SPAG16: variants seen among roughly 807,000 people sequenced by gnomAD.
The protein encoded by SPAG16 is sperm-associated antigen 16 protein.
SPAG16 carries 86 observed loss-of-function variants against 80.4 expected under a neutral mutation model. The ratio of observed to expected loss-of-function variants is 1.07; its 90% CI spans 0.90 to 1.28. The LOEUF (loss-of-function observed/expected upper bound fraction) is 1.28. Ranked by LOEUF, SPAG16 falls within the 50% of genes most tolerant of loss-of-function variation. The pLI, the probability that SPAG16 is intolerant of heterozygous loss-of-function variation, is 0.00. For missense variants in SPAG16, 870 were observed against 765.3 expected (o/e 1.14, Z -1.61); for synonymous variants, 294 against 265.9 (o/e 1.11, Z -1.03).
intron 11 of SPAG16, among the ~76,000 whole-genome samples, chr2:213,911,837 A>AAG (rs1553663228): frequency 1.1e-5 from 1 of 88,814 alleles, no homozygotes; most frequent in African/African-American, 4.1e-5. Flanking sequence ...ACAGTTAGCA[A>AAG]AAAAAAAAAA....
intron 9 of SPAG16, among the ~76,000 whole-genome samples, chr2:213,470,556 A>G (rs1203001486): frequency 6.6e-6 from 1 of 152,176 alleles, no homozygotes; most frequent in Non-Finnish European, 1.5e-5. Context: ...GAATGGTGCC[A>G]TATTGTGGGC....
chr2:214,182,732 T>C (rs758805362), intron 15 of SPAG16, among the ~76,000 whole-genome samples: 56 of 151,974 alleles, frequency 3.7e-4, no homozygotes, highest in Non-Finnish European at 7.4e-4. Context: ...TCTGTGGTTT[T>C]TATACTTGCT....
chr2:213,770,024 C>T (rs951195944), intron 10 of SPAG16, among the ~76,000 whole-genome samples: 2 of 152,146 alleles, frequency 1.3e-5, no homozygotes, highest in African/African-American at 4.8e-5. Context: ...TCCCTGGCTT[C>T]TTTAACTCAG....
chr2:213,364,681 C>A (rs1016484723), intron 8 of SPAG16: 1 of 151,696 alleles, frequency 6.6e-6, no homozygotes, highest in Non-Finnish European at 1.5e-5. Flanking sequence ...GAGAAGAGAG[C>A]TGCAATGAGG....
At chr2:213,663,484 G>A (rs186758763) in intron 10 of SPAG16, among the ~76,000 whole-genome samples, 8 of 152,082 alleles carry the variant, frequency 5.3e-5, no homozygotes, top group Non-Finnish European at 7.4e-5. Context: ...AACCATCAAG[G>A]CAGTTCATTA....
At chr2:214,162,942 T>A (rs532642892) in intron 15 of SPAG16, among the ~76,000 whole-genome samples, 144 of 152,240 alleles carry the variant, frequency 9.5e-4, no homozygotes, top group African/African-American at 3.3e-3. Context: ...AAAAATGCAT[T>A]TCTGTGCAGC....
At chr2:213,596,149 A>C (rs1340713245) in intron 10 of SPAG16, among the ~76,000 whole-genome samples, 2 of 152,132 alleles carry the variant, frequency 1.3e-5, no homozygotes, top group African/African-American at 4.8e-5. Context: ...ATTTTAATTT[A>C]ATAAGCAATA....
chr2:213,782,296 C>T (rs1314646472), intron 10 of SPAG16, among the ~76,000 whole-genome samples: 3 of 151,676 alleles, frequency 2.0e-5, no homozygotes, highest in East Asian at 3.9e-4. Context: ...TTAATAAAAA[C>T]ATTGATACTA....
At chr2:213,343,150 C>T (rs982114357) in intron 6 of SPAG16, among the ~76,000 whole-genome samples, 4 of 152,076 alleles carry the variant, frequency 2.6e-5, no homozygotes, top group Non-Finnish European at 5.9e-5. Context: ...ACCTGGGAAA[C>T]TCTGAGCAAA....
intron 3 of SPAG16, among the ~76,000 whole-genome samples, chr2:213,299,795 T>C (rs1330644851): frequency 6.6e-6 from 1 of 152,126 alleles, no homozygotes; most frequent in Non-Finnish European, 1.5e-5. Context: ...TCTATAACAG[T>C]TATGTAGTTT....
At chr2:214,065,736 GGCCTGGTTAAAATAAGAA>G (rs1273605840) in intron 13 of SPAG16, among the ~76,000 whole-genome samples, 1 of 152,016 alleles carries the variant, frequency 6.6e-6, no homozygotes, top group African/African-American at 2.4e-5. Context: ...AATATGTGAG[GGCCTGGTTAAAATAAGAA>G]GCCCTCTCTG....
intron 5 of SPAG16, among the ~76,000 whole-genome samples, chr2:213,327,163 GTT>G (rs5838379): frequency 0.082 from 12,078 of 147,056 alleles, 1,316 homozygotes; most frequent in African/African-American, 0.25. Context: ...TGTTTGCTGT[GTT>G]TTTTTTTTTT....
At chr2:213,589,381 G>A (rs1340180874) in intron 10 of SPAG16, among the ~76,000 whole-genome samples, 5 of 152,170 alleles carry the variant, frequency 3.3e-5, no homozygotes, top group Non-Finnish European at 7.4e-5. Flanking sequence ...TTGATAAATG[G>A]AAAGTGCTAA....
intron 10 of SPAG16, among the ~76,000 whole-genome samples, chr2:213,818,476 T>A (rs1011743820): frequency 6.6e-6 from 1 of 152,176 alleles, no homozygotes; most frequent in Non-Finnish European, 1.5e-5. Context: ...GCCTCAAACA[T>A]CTGGCTCTGC....
intron 15 of SPAG16, among the ~76,000 whole-genome samples, chr2:214,284,485 C>T (rs1366218940): frequency 6.6e-6 from 1 of 152,156 alleles, no homozygotes; most frequent in Non-Finnish European, 1.5e-5. Flanking sequence ...ACTGGTGGTG[C>T]ATCTGTCTCA....
intron 9 of SPAG16, among the ~76,000 whole-genome samples, chr2:213,479,093 C>CTTTTT (rs1559173970): frequency 5.2e-5 from 6 of 115,652 alleles, no homozygotes; most frequent in African/African-American, 2.3e-4. Context: ...ACACTGGCTT[C>CTTTTT]CTTTTTTTTT....
chr2:213,625,537 C>A (rs2061932010), intron 10 of SPAG16, among the ~76,000 whole-genome samples: 2 of 152,196 alleles, frequency 1.3e-5, no homozygotes, highest in Non-Finnish European at 1.5e-5. Context: ...GGTCAAATTC[C>A]AACATAACCA....
chr2:213,983,992 A>C (rs2045890795), intron 12 of SPAG16, among the ~76,000 whole-genome samples: 1 of 152,110 alleles, frequency 6.6e-6, no homozygotes. Context: ...CAAATAAAGA[A>C]GTGGAACTGA....
At chr2:213,572,810 G>A (rs1435589103) in intron 10 of SPAG16, among the ~76,000 whole-genome samples, 1 of 152,248 alleles carries the variant, frequency 6.6e-6, no homozygotes, top group African/African-American at 2.4e-5. Context: ...AGCAAGCCTG[G>A]GCAATGGCGG....
Sources: gnomAD v4.1 joint callset for allele counts (sites outside exome capture counted in the v4.1 genomes callset) on GRCh38, gnomAD v4.1.1 for gene constraint, MANE v1.5 for transcripts, NCBI Gene and HGNC (gene_info 2026-07-23, HGNC 2026-07-21) for gene names.